RAVER2: variants seen among roughly 807,000 people sequenced by gnomAD.
RAVER2 encodes the protein ribonucleoprotein, PTB binding 2, also known as ribonucleoprotein PTB-binding 2.
Under a neutral mutation model 78.1 loss-of-function variants are expected in RAVER2, and 46 were observed. The observed-to-expected ratio is 0.59, with a 90% CI of 0.46 to 0.75. The LOEUF is 0.75. Among genes scored for constraint, RAVER2 ranks in the 30% least tolerant of loss-of-function variants. RAVER2 has a pLI of 0.00. For missense variants in RAVER2, 793 were observed against 837.5 expected, an observed-to-expected ratio of 0.95 and a Z score of 0.66; for synonymous variants, 311 against 313.3, an observed-to-expected ratio of 0.99 and a Z score of 0.08.
At chr1:64,809,521 T>A (rs1389667830) in intron 9 of RAVER2, among the ~76,000 whole-genome samples, 1 of 151,588 alleles carries the variant, frequency 6.6e-6, no homozygotes, top group Non-Finnish European at 1.5e-5. Context: ...AATAAATAAA[T>A]AAAAGAGATT....
exon 3 of RAVER2, chr1:64,777,867 TGTG>T (rs1652513111): frequency 6.2e-7 from 1 of 1,614,008 alleles, no homozygotes. Context: ...GCTATGGATT[TGTG>T]GAATACATGA....
chr1:64,830,855 A>G (rs1454125768), exon 12 of RAVER2: 1 of 1,605,740 alleles, frequency 6.2e-7, no homozygotes, highest in Non-Finnish European at 8.5e-7. Context: ...TCTTTAAGAA[A>G]TGAAAAGCGA....
rs534508926 is a variant in RAVER2 at position 64,753,513 on chromosome 1, G to A, written c.249+8092G>A. Among the ~76,000 whole-genome samples, 10 of 143,734 alleles carry A rather than the reference G, an allele frequency of 7.0e-5. No individual in the cohort carries two copies. In the East Asian group the frequency reaches 2.1e-3, roughly 30 times the overall value. 94.3% of individuals were successfully genotyped at this position (143,734 alleles called of 152,430 possible). On this transcript the variant is annotated intron_variant, in intron 1 of 11. Transcript: ENST00000294428. ...GATCCAACGTCTACCCTCTGGCAAT[G>A]TATAGAATTCTTTTTTTTTTTTTTT...
chr1:64,811,492 T>A (rs1006581310), intron 9 of RAVER2, among the ~76,000 whole-genome samples: 1 of 152,042 alleles, frequency 6.6e-6, no homozygotes, highest in African/African-American at 2.4e-5. Context: ...GTAAGAAAAA[T>A]TCGAATTGCT....
chr1:64,745,360 G>T lies in RAVER2; in HGVS notation c.188G>T (p.Arg63Leu). ...GCCGCGCGACTGCAGCGGATGCAGC[G>T]GGAGCTGAGCAACCGCAGGAAAATC... Residue 63 changes from arginine to leucine, a missense_variant, in exon 1 of 12, where the codon CGG becomes CTG. Physicochemically the swap from Arg to Leu is moderately radical, Grantham distance 102. Coordinates refer to ENST00000294428, the Ensembl canonical transcript of RAVER2. This position sits in a 1 kb window ranked among gnomAD's most constrained non-coding sequence, Gnocchi z 4.3. The T allele has an allele frequency of 6.5e-7, 1 of 1,543,530 alleles. No homozygotes were observed. The highest frequency in any genetic ancestry group is 1.2e-5 in the South Asian group (1 of 83,898).
intron 1 of RAVER2, among the ~76,000 whole-genome samples, chr1:64,754,355 G>A (rs890675064): frequency 3.3e-5 from 5 of 152,112 alleles, no homozygotes; most frequent in Admixed American, 6.5e-5. Context: ...ATCATGTTGT[G>A]TTTACCTTTG....
chr1:64,753,523 CTTTTTTTTT>C, intron 1 of RAVER2, among the ~76,000 whole-genome samples: 1 of 100,906 alleles, frequency 9.9e-6, no homozygotes, highest in African/African-American at 4.2e-5. Flanking sequence ...GTATAGAATT[CTTTTTTTTT>C]TTTTTTTTTT....
intron 5 of RAVER2, among the ~76,000 whole-genome samples, chr1:64,797,968 A>G (rs1570565520): frequency 6.8e-6 from 1 of 146,964 alleles, no homozygotes; most frequent in African/African-American, 2.5e-5. Flanking sequence ...ACATGTGCAC[A>G]TTGTGCAGGT....
intron 6 of RAVER2, among the ~76,000 whole-genome samples, chr1:64,804,261 T>C (rs1653349443): frequency 6.6e-6 from 1 of 152,180 alleles, no homozygotes; most frequent in Non-Finnish European, 1.5e-5. Flanking sequence ...TTTGTTCTTA[T>C]AGCCCCCTGT....
At chr1:64,758,557 A>G (rs778445329) in intron 1 of RAVER2, among the ~76,000 whole-genome samples, 1 of 152,202 alleles carries the variant, frequency 6.6e-6, no homozygotes, top group Admixed American at 6.5e-5. Context: ...AAGGATGTTA[A>G]AGCAGTTTCT....
At chr1:64,829,722 GA>G (rs1453975869) in intron 11 of RAVER2, among the ~76,000 whole-genome samples, 2 of 152,020 alleles carry the variant, frequency 1.3e-5, no homozygotes, top group South Asian at 4.1e-4. Flanking sequence ...TTACTACCAG[GA>G]AAAAAATGTC....
At chr1:64,825,146 T>C (rs1653979329) in intron 11 of RAVER2, among the ~76,000 whole-genome samples, 1 of 152,074 alleles carries the variant, frequency 6.6e-6, no homozygotes, top group African/African-American at 2.4e-5. Flanking sequence ...GAATGAAGCA[T>C]ATTGATTTTG....
intron 1 of RAVER2, among the ~76,000 whole-genome samples, chr1:64,758,190 G>C (rs564328220): frequency 2.0e-5 from 3 of 152,208 alleles, no homozygotes; most frequent in Non-Finnish European, 4.4e-5. Context: ...GTACATGTAA[G>C]TGTACAGTAA....
chr1:64,776,338 G>A (rs1652462803), intron 2 of RAVER2, among the ~76,000 whole-genome samples: 1 of 152,214 alleles, frequency 6.6e-6, no homozygotes, highest in African/African-American at 2.4e-5. Context: ...GGAACAGTTA[G>A]CTGTTCCTTT....
intron 1 of RAVER2, among the ~76,000 whole-genome samples, chr1:64,764,137 T>A (rs965562061): frequency 6.6e-6 from 1 of 152,168 alleles, no homozygotes; most frequent in Non-Finnish European, 1.5e-5. Context: ...GGATTTGTTT[T>A]GTCAGATATC....
intron 9 of RAVER2, among the ~76,000 whole-genome samples, chr1:64,808,427 A>G (rs991385036): frequency 6.6e-6 from 1 of 150,912 alleles, no homozygotes; most frequent in African/African-American, 2.4e-5. Flanking sequence ...AATGCCCTGC[A>G]ATTGTATATT....
chr1:64,808,123 A>C (rs1458909454), intron 9 of RAVER2, among the ~76,000 whole-genome samples: 2 of 152,170 alleles, frequency 1.3e-5, no homozygotes, highest in Non-Finnish European at 2.9e-5. Flanking sequence ...GGTCTGTTCA[A>C]ACTAATCTGG....
chr1:64,777,844 G>A, exon 3 of RAVER2: 1 of 1,614,068 alleles, frequency 6.2e-7, no homozygotes, highest in Non-Finnish European at 8.5e-7. Flanking sequence ...TGAAGTTACT[G>A]GCCATTCCAA....
chr1:64,814,938 T>C (rs548741304), intron 11 of RAVER2, 98 bp downstream of exon 11: 2 of 1,102,944 alleles, frequency 1.8e-6, no homozygotes, highest in African/African-American at 3.2e-5. Flanking sequence ...ATTATTAACG[T>C]AGGCAAATCA....
Sources: gnomAD v4.1 joint callset for allele counts (sites outside exome capture counted in the v4.1 genomes callset) on GRCh38, gnomAD v4.1.1 for gene constraint, Gnocchi (gnomAD v3.1) non-coding constraint, MANE v1.5 for transcripts, NCBI Gene and HGNC (gene_info 2026-07-23, HGNC 2026-07-21) for gene names.